The following ANGPT1 variants were observed in gnomAD, a reference collection of about 807,000 sequenced individuals.
ANGPT1 encodes angiopoietin-1.
In ANGPT1, 17 loss-of-function variants were observed where a neutral mutation model predicts 62.2. The ratio of observed to expected loss-of-function variants is 0.27; its 90% CI spans 0.19 to 0.41. The LOEUF is 0.41. ANGPT1 is among the 10% of genes least tolerant of loss of function. The pLI, the probability that ANGPT1 is intolerant of heterozygous loss-of-function variation, is 1.00. For synonymous variants in ANGPT1, 199 were observed against 198.9 expected, an observed-to-expected ratio of 1.00 and a Z score of 0.00; for missense variants, 478 against 594.9, an observed-to-expected ratio of 0.80 and a Z score of 2.04.
intron 1 of ANGPT1, among the ~76,000 whole-genome samples, chr8:107,492,969 A>C (rs1242114117): frequency 1.3e-5 from 2 of 150,446 alleles, no homozygotes; most frequent in Non-Finnish European, 3.0e-5. Flanking sequence ...AGAAGTACAA[A>C]ACATTATTGT....
chr8:107,468,902 A>G (rs1398781591), intron 1 of ANGPT1, among the ~76,000 whole-genome samples: 1 of 152,034 alleles, frequency 6.6e-6, no homozygotes, highest in Non-Finnish European at 1.5e-5. Context: ...ATCAAATCCA[A>G]TGGTAAAAAA....
chr8:107,319,522 A>C (rs1815102174), intron 4 of ANGPT1, among the ~76,000 whole-genome samples: 1 of 151,824 alleles, frequency 6.6e-6, no homozygotes, highest in Non-Finnish European at 1.5e-5. Flanking sequence ...CATATATATA[A>C]ATTTATAAGT....
At chr8:107,434,646 G>A (rs1270790001) in intron 1 of ANGPT1, among the ~76,000 whole-genome samples, 2 of 151,980 alleles carry the variant, frequency 1.3e-5, no homozygotes, top group Non-Finnish European at 2.9e-5. Context: ...CTAAGTTAAA[G>A]TATATAGGCT....
At chr8:107,324,984 T>C (rs1017858033) in intron 3 of ANGPT1, among the ~76,000 whole-genome samples, 1 of 152,194 alleles carries the variant, frequency 6.6e-6, no homozygotes, top group Non-Finnish European at 1.5e-5. Context: ...ACTTATTTTT[T>C]AAAAATTCTT....
chr8:107,256,598 C>T (rs1216424869), intron 8 of ANGPT1, among the ~76,000 whole-genome samples: 1 of 152,108 alleles, frequency 6.6e-6, no homozygotes, highest in Non-Finnish European at 1.5e-5. Flanking sequence ...TTTACAGTTC[C>T]TCTCTGATAA....
At chr8:107,463,403 A>G (rs1348587521) in intron 1 of ANGPT1, among the ~76,000 whole-genome samples, 5 of 152,120 alleles carry the variant, frequency 3.3e-5, no homozygotes, top group Non-Finnish European at 2.9e-5. Flanking sequence ...CAGATAATAA[A>G]TGTGTGTTGT....
chr8:107,476,249 G>A (rs1479619778), intron 1 of ANGPT1, among the ~76,000 whole-genome samples: 4 of 152,136 alleles, frequency 2.6e-5, no homozygotes, highest in Admixed American at 6.5e-5. Flanking sequence ...GGAATACTAT[G>A]CAGCCATAAA....
At position 107,375,202 on chromosome 8, in the gene ANGPT1, A is replaced by T. The variant is rs910153959; in HGVS notation, c.298-28105T>A. Among the ~76,000 whole-genome samples, 18 of 152,098 alleles carry T rather than the reference A, an allele frequency of 1.2e-4. 1 individual carries two copies. Among genetic ancestry groups the T allele is most frequent in the Admixed American group, 1.2e-3 (18 of 15,270 alleles). On this transcript the variant is annotated intron_variant, in intron 1 of 8. Coordinates refer to ENST00000517746, the MANE Select transcript of ANGPT1 (RefSeq NM_001146.5). ...ACAAACGAAAAAAACTATCAGGATA[A>T]ATCTAATTATTTATGATAAAATTTA...
chr8:107,484,437 T>C (rs1276564690), intron 1 of ANGPT1, among the ~76,000 whole-genome samples: 1 of 152,176 alleles, frequency 6.6e-6, no homozygotes, highest in East Asian at 1.9e-4. Context: ...AGTCTCACTC[T>C]GTCACCCAGA....
chr8:107,375,157 TCAAA>T (rs56165041), intron 1 of ANGPT1, among the ~76,000 whole-genome samples: 101,630 of 150,470 alleles, frequency 0.68, 34,513 homozygotes, highest in East Asian at 0.81. Flanking sequence ...AGACTCCATC[TCAAA>T]CAAACAAACA....
intron 1 of ANGPT1, among the ~76,000 whole-genome samples, chr8:107,396,676 A>G (rs947794943): frequency 1.3e-5 from 2 of 151,350 alleles, no homozygotes; most frequent in African/African-American, 4.9e-5. Flanking sequence ...CAGTGTCACC[A>G]TGCCTGGCTA....
chr8:107,336,510 A>T (rs1815566391), intron 2 of ANGPT1: 2 of 431,842 alleles, frequency 4.6e-6, no homozygotes, highest in Admixed American at 5.8e-5. Context: ...CTAAAAATAC[A>T]AAAACTTAGC....
chr8:107,403,665 T>A (rs1006865006), intron 1 of ANGPT1, among the ~76,000 whole-genome samples: 8 of 152,168 alleles, frequency 5.3e-5, no homozygotes, highest in African/African-American at 1.9e-4. Context: ...TTTAGTTTCA[T>A]TGCATTTTTA....
intron 1 of ANGPT1, among the ~76,000 whole-genome samples, chr8:107,392,358 G>C (rs1408650877): frequency 1.3e-5 from 2 of 152,008 alleles, no homozygotes; most frequent in Non-Finnish European, 2.9e-5. Context: ...AGCACTAGCT[G>C]TTACTTATCT....
intron 1 of ANGPT1, among the ~76,000 whole-genome samples, chr8:107,362,594 A>G (rs980523134): frequency 6.6e-6 from 1 of 152,178 alleles, no homozygotes; most frequent in African/African-American, 2.4e-5. Context: ...GAAACCATGA[A>G]GCCCAAACCT....
chr8:107,378,719 C>T (rs1190018885), intron 1 of ANGPT1, among the ~76,000 whole-genome samples: 4 of 151,996 alleles, frequency 2.6e-5, no homozygotes, highest in Non-Finnish European at 5.9e-5. Context: ...CGGGCTCTTC[C>T]CCCTTCCCTT....
chr8:107,434,908 T>A (rs1308358929), intron 1 of ANGPT1, among the ~76,000 whole-genome samples: 1 of 152,196 alleles, frequency 6.6e-6, no homozygotes, highest in Non-Finnish European at 1.5e-5. Flanking sequence ...TAAACTGCAG[T>A]CAAATTCATT....
intron 1 of ANGPT1, among the ~76,000 whole-genome samples, chr8:107,361,845 G>C (rs1194549588): frequency 6.6e-6 from 1 of 151,992 alleles, no homozygotes; most frequent in Non-Finnish European, 1.5e-5. Flanking sequence ...GATCACCTGA[G>C]GTCAGGAGTT....
At chr8:107,273,354 G>A (rs1813784355) in intron 7 of ANGPT1, among the ~76,000 whole-genome samples, 1 of 151,950 alleles carries the variant, frequency 6.6e-6, no homozygotes. Flanking sequence ...TGTTGTACTT[G>A]GACATTGTAT....
Sources: gnomAD v4.1 joint callset for allele counts (sites outside exome capture counted in the v4.1 genomes callset) on GRCh38, gnomAD v4.1.1 for gene constraint, MANE v1.5 for transcripts, NCBI Gene and HGNC (gene_info 2026-07-23, HGNC 2026-07-21) for gene names.